The following DNAJC10 variants were observed in gnomAD, a reference collection of about 807,000 sequenced individuals.
DNAJC10 encodes endoplasmic reticulum disulfide reductase DNAJC10.
In DNAJC10, 101 loss-of-function variants were observed where a neutral mutation model predicts 115.0. The ratio of observed to expected loss-of-function variants is 0.88; its 90% CI spans 0.75 to 1.04. The LOEUF is 1.04. DNAJC10 is among the 50% of genes least tolerant of loss of function. DNAJC10 has a pLI of 0.00. For synonymous variants in DNAJC10, 307 were observed against 301.5 expected (o/e 1.02, Z -0.19); for missense variants, 981 against 928.8 (o/e 1.06, Z -0.73).
At chr2:182,751,547 AT>A in intron 14 of DNAJC10, 110 bp from the exon 15 acceptor site, 1 of 1,287,304 alleles carries the variant, frequency 7.8e-7, no homozygotes, top group South Asian at 1.4e-5. Context: ...ACCAAAATCA[AT>A]TTGTTCATAA....
intron 17 of DNAJC10, 70 bp downstream of exon 17, chr2:182,755,174 A>G: frequency 1.1e-6 from 1 of 908,384 alleles, no homozygotes; most frequent in South Asian, 1.4e-5. Context: ...TGAATGTTTC[A>G]TATTGTTTAA....
chr2:182,741,686 G>A (rs1462963828), intron 13 of DNAJC10, among the ~76,000 whole-genome samples: 1 of 151,584 alleles, frequency 6.6e-6, no homozygotes, highest in African/African-American at 2.4e-5. Flanking sequence ...TAAAAATCAG[G>A]ACAATAAATA....
chr2:182,757,576 G>A, intron 18 of DNAJC10, 116 bp from the exon 19 acceptor site: 1 of 775,452 alleles, frequency 1.3e-6, no homozygotes. Context: ...TTTTTATTGG[G>A]TAAAAGTCAC....
chr2:182,736,214 T>C (rs1450809293), intron 10 of DNAJC10, 35 bp from the exon 11 acceptor site: 2 of 1,533,676 alleles, frequency 1.3e-6, no homozygotes, highest in Non-Finnish European at 1.7e-6. Flanking sequence ...TTGCCTCCCA[T>C]TTACAACATG....
At position 182,723,961 on chromosome 2, in the gene DNAJC10, A is replaced by G. The variant is rs948749674; in HGVS notation, c.418+1886A>G. On this transcript the variant is annotated intron_variant, in intron 5 of 23. Coordinates refer to ENST00000264065, the MANE Select transcript of DNAJC10 (RefSeq NM_018981.4). ...TTGTTGTGATAGAGAAGGACCCTCT[A>G]GTGAAGCTTTCCCAGGCATTTTTCT... Among the ~76,000 whole-genome samples, 5 of 152,308 alleles carry G rather than the reference A, an allele frequency of 3.3e-5. No individual in the cohort carries two copies. The East Asian group carries it at 7.7e-4, about 24-fold the overall frequency.
In DNAJC10 at chr2:182,732,403, C is replaced by A; in HGVS notation, c.806-96C>A. The A allele has an allele frequency of 3.4e-6, 4 of 1,168,750 alleles. No individual in the cohort carries two copies. The South Asian group carries it at 4.9e-5, about 14-fold the overall frequency. The allele number at this position is 1,168,750 out of a possible 1,614,324, so 72.4% of individuals were successfully genotyped here. ...AGAGTCCAGCTCAATTAATTGCCTTCGAATGAACATGGTAATTTGGGGGAA... is the reference window on the plus strand; with the variant it reads ...AGAGTCCAGCTCAATTAATTGCCTTAGAATGAACATGGTAATTTGGGGGAA... On this transcript the variant is annotated intron_variant, in intron 9 of 23. Transcript: ENST00000264065.
intron 22 of DNAJC10, 31 bp downstream of exon 22, chr2:182,762,832 T>G: frequency 1.3e-6 from 2 of 1,596,370 alleles, no homozygotes; most frequent in Admixed American, 1.7e-5. Flanking sequence ...GTTCCTTCCC[T>G]TAGTAGGCCA....
Position 182,751,658 on chromosome 2 carries a change from G to A in DNAJC10, c.1307G>A (p.Gly436Glu), listed in dbSNP as rs1694021432. ...QGTKEYEIHH[G>E]KKILYDILAF... ...GAATTTCTCTCATTCACTTTGAAAG[G>A]AAAGAAGATTCTATATGATATACTT... The change falls in exon 15 of 24, where the codon GGA becomes GAA. Residue 436 changes from glycine (G) to glutamate (E), a missense_variant and splice_region_variant. By Grantham distance (98) the Gly-to-Glu change is moderately conservative (BLOSUM62 -2). Coordinates refer to ENST00000264065, the MANE Select transcript of DNAJC10 (RefSeq NM_018981.4). 6.2e-7 allele frequency: 1 copy of A among 1,611,202 alleles called. No homozygotes were observed. The highest frequency in any genetic ancestry group is 1.3e-5 in the African/African-American group (1 of 74,706).
intron 22 of DNAJC10, among the ~76,000 whole-genome samples, chr2:182,767,476 T>C (rs188449224): frequency 1.3e-5 from 2 of 152,228 alleles, no homozygotes; most frequent in Admixed American, 1.3e-4. Context: ...CCCCTGGTAT[T>C]TTATGCATGG....
rs985025640 is a variant in DNAJC10, at chr2:182,782,674, T to C, written c.*5542T>C. 1.3e-5 allele frequency: 2 copies of C among 152,194 alleles called. No homozygotes were observed. The highest frequency in any genetic ancestry group is 4.8e-5 in the African/African-American group (2 of 41,464). 9.4% of individuals were successfully genotyped at this position (152,194 alleles called of 1,614,324 possible). ...ATTCCTAGGTATTTAATTCTCTTTG[T>C]AGCAATTGTGAATGGGAGTTCACTC... On this transcript the variant is annotated 3_prime_UTR_variant, in exon 24 of 24. Coordinates refer to ENST00000264065, the MANE Select transcript of DNAJC10 (RefSeq NM_018981.4).
At chr2:182,758,936 C>T (rs772538732) in intron 20 of DNAJC10, 46 bp downstream of exon 20, 1 of 1,371,592 alleles carries the variant, frequency 7.3e-7, no homozygotes, top group Admixed American at 1.8e-5. Context: ...GATTCAAAGC[C>T]ATTTACCCCC....
chr2:182,732,307 G>C (rs1049220522), intron 9 of DNAJC10, among the ~76,000 whole-genome samples, 192 bp from the exon 10 acceptor site: 16 of 146,018 alleles, frequency 1.1e-4, no homozygotes, highest in Admixed American at 1.1e-3. Flanking sequence ...AGGGAGCGAG[G>C]GAGTGTGTGT....
chr2:182,735,982 TAGAA>T (rs1693574449), intron 10 of DNAJC10, among the ~76,000 whole-genome samples: 1 of 152,132 alleles, frequency 6.6e-6, no homozygotes, highest in Non-Finnish European at 1.5e-5. Flanking sequence ...TGTGGATTCG[TAGAA>T]AGAATTATAA....
At chr2:182,738,340 T>G (rs1285153152) in intron 11 of DNAJC10, among the ~76,000 whole-genome samples, 1 of 152,184 alleles carries the variant, frequency 6.6e-6, no homozygotes, top group Non-Finnish European at 1.5e-5. Context: ...TTCTGTGCCA[T>G]CCGTCAACAA....
intron 9 of DNAJC10, among the ~76,000 whole-genome samples, chr2:182,731,540 C>T (rs1693447702): frequency 6.6e-6 from 1 of 152,104 alleles, no homozygotes; most frequent in African/African-American, 2.4e-5. Flanking sequence ...AAGATGACAG[C>T]TTCTTCTAGG....
rs1401545029 is a variant in DNAJC10 at position 182,791,089 on chromosome 2, A to G, written c.*13957A>G. 6.6e-6 allele frequency: 1 copy of G among 152,108 alleles called. No homozygotes were observed. Among genetic ancestry groups the G allele is most frequent in the Non-Finnish European group, 1.5e-5 (1 of 68,010 alleles). 9.4% of individuals were successfully genotyped at this position (152,108 alleles called of 1,614,324 possible). A position where few individuals can be genotyped will look rare whatever the true frequency, so the allele number is the denominator to read the frequency against. On this transcript the variant is annotated 3_prime_UTR_variant, in exon 24 of 24. Transcript: ENST00000264065. ...ATTCACTACATAAATTTAGTGGATA[A>G]ATACCCCCACAGAGATCGACCCTGC...
At chr2:182,722,555 G>T (rs199792904) in intron 5 of DNAJC10, among the ~76,000 whole-genome samples, 2 of 109,296 alleles carry the variant, frequency 1.8e-5, no homozygotes, top group Non-Finnish European at 4.0e-5. Flanking sequence ...AGTAATAATA[G>T]GTTTATTTTT....
intron 19 of DNAJC10, among the ~76,000 whole-genome samples, chr2:182,758,518 A>G (rs1160298556): frequency 2.0e-5 from 3 of 152,204 alleles, no homozygotes; most frequent in Admixed American, 6.5e-5. Flanking sequence ...TTTGACAGAC[A>G]GTAATAACTT....
chr2:182,735,399 C>T (rs939553182), intron 10 of DNAJC10, among the ~76,000 whole-genome samples: 1 of 151,884 alleles, frequency 6.6e-6, no homozygotes, highest in African/African-American at 2.4e-5. Context: ...TTAATTTTTA[C>T]ATATATATGC....
Sources: allele counts gnomAD v4.1 joint callset (sites outside exome capture counted in the v4.1 genomes callset), GRCh38; gene constraint gnomAD v4.1.1; transcripts MANE v1.5; gene names NCBI Gene and HGNC (gene_info 2026-07-23, HGNC 2026-07-21).